Variants in TRPM6 observed in about 807,000 individuals in gnomAD.
TRPM6 encodes transient receptor potential cation channel subfamily M member 6.
Under a neutral mutation model 247.6 loss-of-function variants are expected in TRPM6, and 111 were observed. That is an observed-to-expected ratio of 0.45 (90% CI 0.38 to 0.52). The LOEUF is 0.52. TRPM6 is among the 20% of genes least tolerant of loss of function. The probability of loss-of-function intolerance (pLI) is 0.00; values close to 1 mark genes in which losing one functional copy is unlikely to be tolerated. For synonymous variants in TRPM6, 892 were observed against 853.8 expected (o/e 1.04, Z -0.78); for missense variants, 2,126 against 2,421.5 (o/e 0.88, Z 2.56).
intron 8 of TRPM6, among the ~76,000 whole-genome samples, chr9:74,821,079 T>C (rs1304869598): frequency 6.6e-6 from 1 of 152,098 alleles, no homozygotes; most frequent in Admixed American, 6.6e-5. Context: ...ACTAAATAAA[T>C]TAGTGGGGTC....
intron 3 of TRPM6, among the ~76,000 whole-genome samples, chr9:74,843,763 C>T (rs530365488): frequency 1.4e-4 from 21 of 145,722 alleles, no homozygotes; most frequent in African/African-American, 4.6e-4. Flanking sequence ...TGCAGTGAGC[C>T]GAGATAGTGC....
At chr9:74,820,283 T>C (rs1327227129) in intron 9 of TRPM6, 21 bp downstream of exon 9, 2 of 1,610,650 alleles carry the variant, frequency 1.2e-6, no homozygotes, top group Non-Finnish European at 8.5e-7. Flanking sequence ...GTCAGTTGAA[T>C]CATCAACTCG....
intron 31 of TRPM6, among the ~76,000 whole-genome samples, chr9:74,746,937 G>A (rs116670213): frequency 0.026 from 3,962 of 152,168 alleles, 166 homozygotes; most frequent in African/African-American, 0.088. Context: ...CAGCTTGCAC[G>A]AAGGAACAAG....
intron 1 of TRPM6, among the ~76,000 whole-genome samples, chr9:74,871,369 C>CA (rs1051363520): frequency 6.6e-6 from 1 of 152,082 alleles, no homozygotes; most frequent in African/African-American, 2.4e-5. Flanking sequence ...GTATATCCCC[C>CA]AAAAAATTCT....
chr9:74,862,658 G>A (rs1300088521), intron 1 of TRPM6, among the ~76,000 whole-genome samples: 1 of 152,100 alleles, frequency 6.6e-6, no homozygotes, highest in Non-Finnish European at 1.5e-5. Flanking sequence ...CAGACAAAAG[G>A]TAATTTTACA....
In TRPM6 at chr9:74,843,579, C is replaced by A. The variant is rs373205763; in HGVS notation, c.153-1236G>T. 3.3e-5 allele frequency among the ~76,000 whole-genome samples: 5 copies of A among 151,724 alleles called. No homozygotes were observed. In the South Asian group the frequency reaches 8.3e-4, roughly 25 times the overall value. On this transcript the variant is annotated intron_variant, in intron 3 of 38. Transcript: ENST00000360774. The stretch of plus-strand genomic sequence containing the variant: ...ATCCCAGCACTTTGGGAGGCCGAGG[C>A]GGGTGGATCATGAGGTCAGGAGATC...
At chr9:74,887,123 G>C in intron 1 of TRPM6, 1 of 625,990 alleles carries the variant, frequency 1.6e-6, no homozygotes, top group Non-Finnish European at 2.4e-6. Flanking sequence ...ACTTCCTGTT[G>C]CGCCATATGC....
At chr9:74,858,817 G>T in intron 1 of TRPM6, 69 bp from the exon 2 acceptor site, 1 of 1,285,642 alleles carries the variant, frequency 7.8e-7, no homozygotes, top group Non-Finnish European at 1.1e-6. Context: ...AGTAGTTCCT[G>T]CAGGTAAGAA....
At chr9:74,777,068 A>G (rs1168018974) in intron 23 of TRPM6, among the ~76,000 whole-genome samples, 1 of 152,202 alleles carries the variant, frequency 6.6e-6, no homozygotes, top group Non-Finnish European at 1.5e-5. Flanking sequence ...GGTGATTGAA[A>G]CATAGATGAC....
chr9:74,842,176 TG>T lies in TRPM6; in HGVS notation c.319del (p.His107IlefsTer20). The T allele has an allele frequency of 6.2e-7, 1 of 1,613,852 alleles. No individual in the cohort carries two copies. The highest frequency in any genetic ancestry group is 8.5e-7 in the Non-Finnish European group (1 of 1,179,968). On this transcript the variant is annotated frameshift_variant, in exon 4 of 39. Coordinates refer to ENST00000360774, the MANE Select transcript of TRPM6 (RefSeq NM_017662.5). LOFTEE classifies it high-confidence loss of function. ...GGGTTATTAGCAAACCTTGGCATGA[TG>T]GGTGTGCTCTCCATCTTGGAAATTA... is the stretch of plus-strand genomic sequence containing the variant. The part of the protein sequence containing the change: ...TINFQDGEHT[H>X]HAKYIRTSYD...
intron 36 of TRPM6, chr9:74,737,288 T>C: frequency 9.5e-7 from 1 of 1,055,786 alleles, no homozygotes; most frequent in Non-Finnish European, 1.3e-6. Context: ...TATATGTAGT[T>C]TAAAAATTTG....
At chr9:74,780,893 G>A (rs980661756) in intron 23 of TRPM6, among the ~76,000 whole-genome samples, 7 of 152,266 alleles carry the variant, frequency 4.6e-5, no homozygotes, top group East Asian at 3.9e-4. Flanking sequence ...ACAAAAACTC[G>A]TGTTCTTCCT....
At chr9:74,847,494 T>C (rs1830149506) in intron 3 of TRPM6, among the ~76,000 whole-genome samples, 1 of 152,158 alleles carries the variant, frequency 6.6e-6, no homozygotes, top group Non-Finnish European at 1.5e-5. Context: ...GCATTCAATA[T>C]TGTCAAAGGC....
At chr9:74,875,369 C>T (rs987796120) in intron 1 of TRPM6, 11 of 386,268 alleles carry the variant, frequency 2.8e-5, no homozygotes, top group African/African-American at 2.1e-4. Context: ...AAGGTAAAAC[C>T]CTGTCTCTAC....
chr9:74,884,580 T>C (rs1831473093), intron 1 of TRPM6, among the ~76,000 whole-genome samples: 1 of 152,042 alleles, frequency 6.6e-6, no homozygotes, highest in Non-Finnish European at 1.5e-5. Flanking sequence ...ATGCTCCAAA[T>C]CAACAGTTTG....
chr9:74,750,593 C>G (rs1452061168), intron 30 of TRPM6, 71 bp downstream of exon 30: 2 of 1,318,672 alleles, frequency 1.5e-6, no homozygotes, highest in African/African-American at 1.5e-5. Context: ...CTAAATTAAA[C>G]CTTTGCTCCT....
At chr9:74,760,891 G>C (rs1826603423) in intron 27 of TRPM6, among the ~76,000 whole-genome samples, 1 of 152,078 alleles carries the variant, frequency 6.6e-6, no homozygotes, top group Non-Finnish European at 1.5e-5. Context: ...CATGAGAGTG[G>C]ATCTGTTATG....
chr9:74,726,844 T>C (rs993389418), intron 38 of TRPM6, among the ~76,000 whole-genome samples: 1 of 152,174 alleles, frequency 6.6e-6, no homozygotes, highest in Non-Finnish European at 1.5e-5. Flanking sequence ...TCCTGATGAC[T>C]CACAGTCCAG....
chr9:74,844,520 G>A (rs751159058), intron 3 of TRPM6, among the ~76,000 whole-genome samples: 30 of 152,208 alleles, frequency 2.0e-4, no homozygotes, highest in Admixed American at 1.7e-3. Flanking sequence ...CATCTGCTAG[G>A]TTCAAACTTT....
Sources: gnomAD v4.1 joint callset for allele counts (sites outside exome capture counted in the v4.1 genomes callset) on GRCh38, gnomAD v4.1.1 for gene constraint, MANE v1.5 for transcripts, NCBI Gene and HGNC (gene_info 2026-07-23, HGNC 2026-07-21) for gene names.